Variants in SLC35F4 observed in about 807,000 individuals in gnomAD.
SLC35F4 encodes solute carrier family 35 member F4.
SLC35F4 carries 24 observed loss-of-function variants against 44.2 expected under a neutral mutation model. That is an observed-to-expected ratio of 0.54 (90% CI 0.39 to 0.76). The LOEUF is 0.76. Ranked by LOEUF, SLC35F4 falls within the 30% of genes least tolerant of loss-of-function variation. SLC35F4 has a pLI of 0.00. For synonymous variants in SLC35F4, 238 were observed against 223.6 expected (o/e 1.06, Z -0.57); for missense variants, 562 against 586.1 (o/e 0.96, Z 0.42).
rs199785589 is a variant in SLC35F4 at position 57,578,325 on chromosome 14, G to GTTTTTTTTTTTTTTTTTTTTTT, written c.807+2867_807+2888dup. 8.3e-4 allele frequency among the ~76,000 whole-genome samples: 36 copies of GTTTTTTTTTTTTTTTTTTTTTT among 43,164 alleles called. 13 individuals carry two copies. Among genetic ancestry groups the GTTTTTTTTTTTTTTTTTTTTTT allele is most frequent in the Non-Finnish European group, 1.1e-3 (25 of 21,764 alleles). The allele number at this position is 43,164 out of a possible 152,430, so 28.3% of individuals were successfully genotyped here. On this transcript the variant is annotated intron_variant, in intron 4 of 7. Coordinates refer to ENST00000556826, the MANE Select transcript of SLC35F4 (RefSeq NM_001306087.2). The stretch of plus-strand genomic sequence containing the variant: ...GATGACTGAAAGCATCCCTTTAACT[G>GTTTTTTTTTTTTTTTTTTTTTT]TTTTTTTTTTTTTTTTTTTTTTTTT...
intron 1 of SLC35F4, among the ~76,000 whole-genome samples, chr14:57,929,976 A>G (rs1041022506): frequency 6.6e-6 from 1 of 152,162 alleles, no homozygotes; most frequent in Non-Finnish European, 1.5e-5. Flanking sequence ...TACTTTTCTT[A>G]GACTTTTCAG....
intron 1 of SLC35F4, among the ~76,000 whole-genome samples, chr14:57,723,011 G>T (rs1227979896): frequency 1.3e-5 from 2 of 152,112 alleles, no homozygotes; most frequent in African/African-American, 2.4e-5. Flanking sequence ...CTTTTACCAG[G>T]GTAACTGTGC....
downstream of SLC35F4, among the ~76,000 whole-genome samples, chr14:57,974,797 A>G (rs1247095052): frequency 6.6e-6 from 1 of 152,244 alleles, no homozygotes; most frequent in Non-Finnish European, 1.5e-5. Flanking sequence ...GTGGGGATTC[A>G]ATAGATTTTA....
At chr14:57,713,242 G>A (rs970018955) in intron 1 of SLC35F4, among the ~76,000 whole-genome samples, 3 of 152,144 alleles carry the variant, frequency 2.0e-5, no homozygotes, top group Admixed American at 6.6e-5. Flanking sequence ...TGCAGTTCAA[G>A]CAGTCCTACA....
intron 1 of SLC35F4, among the ~76,000 whole-genome samples, chr14:57,664,136 A>T (rs2074230550): frequency 6.6e-6 from 1 of 152,278 alleles, no homozygotes; most frequent in Non-Finnish European, 1.5e-5. Flanking sequence ...CTACAGGGAC[A>T]TTTACTAATC....
intron 1 of SLC35F4, among the ~76,000 whole-genome samples, chr14:57,875,443 T>C (rs1888379809): frequency 6.6e-6 from 1 of 152,230 alleles, no homozygotes. Context: ...CATTTATTAC[T>C]TCTCATGAAC....
At chr14:57,593,528 C>T (rs528836635) in intron 2 of SLC35F4, among the ~76,000 whole-genome samples, 3 of 152,180 alleles carry the variant, frequency 2.0e-5, no homozygotes, top group South Asian at 2.1e-4. Flanking sequence ...CTAACAGTCC[C>T]GATGAGGACA....
chr14:57,926,831 A>G (rs1227034055), intron 1 of SLC35F4, among the ~76,000 whole-genome samples: 2 of 149,374 alleles, frequency 1.3e-5, no homozygotes, highest in East Asian at 3.9e-4. Context: ...AGAAGATATC[A>G]CCAGTGTTTC....
chr14:57,587,709 C>T (rs924891534), intron 3 of SLC35F4, among the ~76,000 whole-genome samples: 2 of 152,002 alleles, frequency 1.3e-5, no homozygotes, highest in African/African-American at 4.8e-5. Flanking sequence ...CACCATGGCA[C>T]ATGTATACCC....
At chr14:57,767,444 T>C (rs1011171587) in intron 1 of SLC35F4, among the ~76,000 whole-genome samples, 1 of 152,164 alleles carries the variant, frequency 6.6e-6, no homozygotes, top group African/African-American at 2.4e-5. Flanking sequence ...CAACATACTT[T>C]TACATTATGG....
chr14:57,563,994 TA>T lies in SLC35F4; in HGVS notation c.*140del. The T allele has an allele frequency of 1.1e-6, 1 of 906,596 alleles. No individual in the cohort carries two copies. The highest frequency in any genetic ancestry group is 2.7e-5 in the East Asian group (1 of 37,310). The allele number at this position is 906,596 out of a possible 1,614,324, so 56.2% of individuals were successfully genotyped here. Reference sequence around the variant, plus strand: ...CAATTCCTTGATAAGCATATAAATGTAAACTTTTATTGTTGGCATTATTTCA... The same window carrying T: ...CAATTCCTTGATAAGCATATAAATGTAACTTTTATTGTTGGCATTATTTCA... On this transcript the variant is annotated 3_prime_UTR_variant, in exon 8 of 8. Coordinates refer to ENST00000556826, the MANE Select transcript of SLC35F4 (RefSeq NM_001306087.2).
rs72624749 is a variant in SLC35F4 at position 57,912,969 on chromosome 14, G to A, written n.282+68944C>T. ...CTGTTGTTAGACACATACACAATAA[G>A]GATTGTTATGTCTTTTTTGAGTATT... On this transcript the variant is annotated intron_variant and non_coding_transcript_variant, in intron 1 of 1. Coordinates refer to the SLC35F4 transcript ENST00000556568. Among the ~76,000 whole-genome samples the A allele has an allele frequency of 0.023, 3,442 of 152,056 alleles. 425 individuals carry two copies. In the East Asian group the frequency reaches 0.39, roughly 17 times the overall value.
chr14:57,818,078 G>A (rs1260448504), intron 1 of SLC35F4, among the ~76,000 whole-genome samples: 1 of 152,108 alleles, frequency 6.6e-6, no homozygotes, highest in African/African-American at 2.4e-5. Flanking sequence ...TTCAACATCA[G>A]TATATATATT....
chr14:57,590,016 A>G (rs1332921146), intron 2 of SLC35F4, among the ~76,000 whole-genome samples: 4 of 152,032 alleles, frequency 2.6e-5, no homozygotes, highest in African/African-American at 9.7e-5. Flanking sequence ...ACCCAGCCAA[A>G]GCTGCTCTGT....
At chr14:57,961,017 G>A (rs117735871) in intron 1 of SLC35F4, among the ~76,000 whole-genome samples, 4,700 of 152,234 alleles carry the variant, frequency 0.031, 89 homozygotes, top group Non-Finnish European at 0.048. Context: ...CGGAGCACAC[G>A]TGTGGTGCTG....
chr14:57,945,145 C>A (rs1201379726), intron 1 of SLC35F4, among the ~76,000 whole-genome samples: 1 of 152,038 alleles, frequency 6.6e-6, no homozygotes, highest in Non-Finnish European at 1.5e-5. Context: ...AAATAAATAC[C>A]ATTTTCTTTT....
chr14:57,790,418 C>A (rs560323703), intron 1 of SLC35F4, among the ~76,000 whole-genome samples: 1 of 152,206 alleles, frequency 6.6e-6, no homozygotes, highest in African/African-American at 2.4e-5. Context: ...CCTAGGAATA[C>A]AACTTACAAG....
chr14:57,619,166 C>T (rs544454891), intron 1 of SLC35F4, among the ~76,000 whole-genome samples: 46 of 152,322 alleles, frequency 3.0e-4, no homozygotes, highest in Non-Finnish European at 5.1e-4. Flanking sequence ...AGCAGCGGAT[C>T]TCCCAGCACA....
chr14:57,957,131 C>T (rs1428550639), intron 1 of SLC35F4, among the ~76,000 whole-genome samples: 1 of 152,160 alleles, frequency 6.6e-6, no homozygotes, highest in Non-Finnish European at 1.5e-5. Context: ...GAGTTCATGT[C>T]CTTTGCAGGA....
Sources: allele counts gnomAD v4.1 joint callset (sites outside exome capture counted in the v4.1 genomes callset), GRCh38; gene constraint gnomAD v4.1.1; transcripts MANE v1.5; gene names NCBI Gene and HGNC (gene_info 2026-07-23, HGNC 2026-07-21).